Variants in NHSL1 observed in about 807,000 individuals in gnomAD.
The protein encoded by NHSL1 is NHS like 1, also known as NHS-like protein 1.
A neutral mutation model predicts 95.0 loss-of-function variants in NHSL1; 48 were observed. The ratio of observed to expected loss-of-function variants is 0.51; its 90% CI spans 0.40 to 0.64. The LOEUF (loss-of-function observed/expected upper bound fraction) is 0.64. Ranked by LOEUF, NHSL1 falls within the 30% of genes least tolerant of loss-of-function variation. The probability of loss-of-function intolerance (pLI) is 0.00; values close to 1 mark genes in which losing one functional copy is unlikely to be tolerated. For synonymous variants in NHSL1, 783 were observed against 833.9 expected (o/e 0.94, Z 1.05); for missense variants, 1,971 against 2,077.7 (o/e 0.95, Z 1.00).
At position 138,527,189 on chromosome 6, in the gene NHSL1, C is replaced by A. The variant is rs546464593; in HGVS notation, c.16+18434G>T. ...GGTCAAGACCAGCGCTGGGAGGCTGCATTGGATTTTGTGCAGATGAGGATT... is the reference window on the plus strand; with the variant it reads ...GGTCAAGACCAGCGCTGGGAGGCTGAATTGGATTTTGTGCAGATGAGGATT... On this transcript the variant is annotated intron_variant, in intron 1 of 4. Coordinates refer to the NHSL1 transcript ENST00000342260. Among the ~76,000 whole-genome samples, 7 of 151,824 alleles carry A rather than the reference C, an allele frequency of 4.6e-5. No individual in the cohort carries two copies. In the South Asian group the frequency reaches 1.5e-3, roughly 32 times the overall value.
intron 1 of NHSL1, among the ~76,000 whole-genome samples, chr6:138,685,603 T>C (rs758887469): frequency 7.2e-5 from 11 of 152,006 alleles, no homozygotes; most frequent in Non-Finnish European, 1.6e-4. Flanking sequence ...ATAATCCCAG[T>C]ACTTTGAGAG....
At chr6:138,439,781 A>G (rs1776413076) in intron 5 of NHSL1, among the ~76,000 whole-genome samples, 1 of 152,196 alleles carries the variant, frequency 6.6e-6, no homozygotes, top group Non-Finnish European at 1.5e-5. Flanking sequence ...CACAACCCAG[A>G]TGATGCGGGG....
At chr6:138,502,027 G>A (rs774557356), upstream of NHSL1, among the ~76,000 whole-genome samples, 2 of 152,066 alleles carry the variant, frequency 1.3e-5, no homozygotes, top group Non-Finnish European at 2.9e-5. Flanking sequence ...TGGAACCTGT[G>A]GATATGGAGA....
At chr6:138,626,736 A>C (rs1784743003) in intron 1 of NHSL1, among the ~76,000 whole-genome samples, 1 of 117,586 alleles carries the variant, frequency 8.5e-6, no homozygotes, top group Non-Finnish European at 1.7e-5. Context: ...TACTAAAAAT[A>C]CAAAAAAATT....
At position 138,512,270 on chromosome 6, in the gene NHSL1, G is replaced by T. The variant is rs180914158; in HGVS notation, c.17-15899C>A. 56 of 455,406 alleles carry T rather than the reference G, an allele frequency of 1.2e-4. No homozygotes were observed. In the East Asian group the frequency reaches 3.8e-3, roughly 31 times the overall value. The allele number at this position is 455,406 out of a possible 1,614,324, so 28.2% of individuals were successfully genotyped here. On this transcript the variant is annotated intron_variant, in intron 1 of 4. Coordinates refer to the NHSL1 transcript ENST00000342260. ...TTATTACAACTGCTTTCTGAAGAGA[G>T]ATACTCACCAACTGCACCCCACGGG...
upstream of NHSL1, among the ~76,000 whole-genome samples, chr6:138,576,136 C>T (rs553231227): frequency 3.3e-5 from 5 of 152,182 alleles, no homozygotes; most frequent in East Asian, 7.7e-4. Flanking sequence ...GAACTACAGG[C>T]GCGCATCTCC....
intron 5 of NHSL1, among the ~76,000 whole-genome samples, chr6:138,441,371 A>G (rs1042556303): frequency 1.1e-4 from 17 of 152,242 alleles, no homozygotes; most frequent in Non-Finnish European, 2.1e-4. Context: ...ATAACCAGAA[A>G]CAAAATGGGT....
intron 1 of NHSL1, among the ~76,000 whole-genome samples, chr6:138,632,553 G>C (rs192143117): frequency 2.0e-5 from 3 of 152,322 alleles, no homozygotes; most frequent in Admixed American, 6.5e-5. Flanking sequence ...AAAGGGAAGA[G>C]AGCAAGAGTT....
At chr6:138,497,319 T>C (rs1015884211) in intron 1 of NHSL1, among the ~76,000 whole-genome samples, 2 of 152,170 alleles carry the variant, frequency 1.3e-5, no homozygotes, top group Non-Finnish European at 2.9e-5. Context: ...TAAGAGAGAC[T>C]GGAAAGGTAC....
At chr6:138,525,960 G>A (rs1781887378) in intron 1 of NHSL1, among the ~76,000 whole-genome samples, 1 of 151,822 alleles carries the variant, frequency 6.6e-6, no homozygotes, top group African/African-American at 2.4e-5. Flanking sequence ...AGCTGTGGTG[G>A]GAGGAGCCTG....
chr6:138,524,926 G>A (rs768686421), intron 1 of NHSL1, among the ~76,000 whole-genome samples: 39 of 152,140 alleles, frequency 2.6e-4, no homozygotes, highest in Non-Finnish European at 4.6e-4. Context: ...TCTGAATGAC[G>A]GGAGCCCTGC....
chr6:138,599,914 G>A (rs1460430822), intron 1 of NHSL1, among the ~76,000 whole-genome samples: 2 of 152,098 alleles, frequency 1.3e-5, no homozygotes, highest in African/African-American at 4.8e-5. Context: ...GGCCGAGGCG[G>A]GTGGATCACC....
At chr6:138,490,778 CAT>C (rs1780028289) in intron 2 of NHSL1, among the ~76,000 whole-genome samples, 1 of 152,144 alleles carries the variant, frequency 6.6e-6, no homozygotes, top group Non-Finnish European at 1.5e-5. Context: ...GGACTACAGG[CAT>C]GCGCCACCAC....
chr6:138,612,425 TAAGTATAA>T (rs1784526889), intron 1 of NHSL1, among the ~76,000 whole-genome samples: 1 of 152,166 alleles, frequency 6.6e-6, no homozygotes, highest in Non-Finnish European at 1.5e-5. Flanking sequence ...TGAAAAATAA[TAAGTATAA>T]ATGTACCAGT....
At chr6:138,590,195 A>T (rs914818594) in intron 1 of NHSL1, among the ~76,000 whole-genome samples, 1 of 152,036 alleles carries the variant, frequency 6.6e-6, no homozygotes, top group Non-Finnish European at 1.5e-5. Flanking sequence ...ACAGGGTTTC[A>T]CCTTGTTGGC....
intron 1 of NHSL1, among the ~76,000 whole-genome samples, chr6:138,597,022 G>A (rs2114545153): frequency 6.6e-6 from 1 of 152,232 alleles, no homozygotes; most frequent in East Asian, 1.9e-4. Flanking sequence ...TTAGCCAGGT[G>A]TGGTGGCGGA....
At chr6:138,446,888 T>G in intron 4 of NHSL1, 113 bp downstream of exon 4, 2 of 908,376 alleles carry the variant, frequency 2.2e-6, no homozygotes, top group Non-Finnish European at 3.4e-6. Context: ...AGCATGAAGT[T>G]GGACCACAGC....
chr6:138,644,370 G>T (rs1305247598), intron 1 of NHSL1, among the ~76,000 whole-genome samples: 4 of 152,012 alleles, frequency 2.6e-5, no homozygotes, highest in Non-Finnish European at 5.9e-5. Context: ...GCGTGGTGGT[G>T]CATATGCCTA....
At chr6:138,534,199 A>G (rs1782246380) in intron 1 of NHSL1, among the ~76,000 whole-genome samples, 1 of 152,234 alleles carries the variant, frequency 6.6e-6, no homozygotes, top group Admixed American at 6.5e-5. Context: ...TGATGGTTAA[A>G]GTCTTTTTAC....
Sources: allele counts gnomAD v4.1 joint callset (sites outside exome capture counted in the v4.1 genomes callset), GRCh38; gene constraint gnomAD v4.1.1; transcripts MANE v1.5; gene names NCBI Gene and HGNC (gene_info 2026-07-23, HGNC 2026-07-21).